The following NELL1 variants were observed in gnomAD, a reference collection of about 807,000 sequenced individuals.
NELL1 encodes protein kinase C-binding protein NELL1.
NELL1 carries 76 observed loss-of-function variants against 107.4 expected under a neutral mutation model. The ratio of observed to expected loss-of-function variants is 0.71; its 90% CI spans 0.59 to 0.86. The LOEUF (loss-of-function observed/expected upper bound fraction) is 0.86. NELL1 is among the 40% of genes least tolerant of loss of function. The probability of loss-of-function intolerance (pLI) is 0.00; values close to 1 mark genes in which losing one functional copy is unlikely to be tolerated. For missense variants in NELL1, 1,024 were observed against 1,005.5 expected (o/e 1.02, Z -0.25); for synonymous variants, 353 against 341.2 (o/e 1.03, Z -0.38).
chr11:20,959,964 A>G (rs1851256130), intron 11 of NELL1, among the ~76,000 whole-genome samples: 1 of 152,238 alleles, frequency 6.6e-6, no homozygotes, highest in African/African-American at 2.4e-5. Flanking sequence ...GGGAGTGATT[A>G]GCTCAAAATT....
At chr11:21,500,437 G>A (rs1855106825) in intron 15 of NELL1, among the ~76,000 whole-genome samples, 1 of 152,078 alleles carries the variant, frequency 6.6e-6, no homozygotes, top group South Asian at 2.1e-4. Context: ...CCTCCAGGTT[G>A]TTAGCTCTCC....
chr11:21,273,247 G>A (rs932552373), intron 14 of NELL1, among the ~76,000 whole-genome samples: 3 of 152,278 alleles, frequency 2.0e-5, no homozygotes, highest in East Asian at 1.9e-4. Flanking sequence ...TGCGAACTAC[G>A]TGATGAATGC....
At chr11:20,888,056 G>T (rs76759990) in intron 5 of NELL1, among the ~76,000 whole-genome samples, 5,175 of 151,900 alleles carry the variant, frequency 0.034, 306 homozygotes, top group African/African-American at 0.12. Context: ...TAATAAATAG[G>T]CCCAGAGATA....
At chr11:20,910,683 T>C (rs1415689328) in intron 5 of NELL1, among the ~76,000 whole-genome samples, 2 of 152,202 alleles carry the variant, frequency 1.3e-5, no homozygotes, top group Admixed American at 1.3e-4. Context: ...TGTGGGTGTT[T>C]ATTTGTTCAT....
chr11:21,202,239 G>C (rs949694171), intron 13 of NELL1, among the ~76,000 whole-genome samples: 1 of 152,164 alleles, frequency 6.6e-6, no homozygotes, highest in Non-Finnish European at 1.5e-5. Flanking sequence ...GAATTTGGCT[G>C]TGAATCCGTC....
intron 14 of NELL1, among the ~76,000 whole-genome samples, chr11:21,276,789 C>A (rs1402783301): frequency 2.6e-5 from 4 of 152,148 alleles, no homozygotes; most frequent in Non-Finnish European, 5.9e-5. Context: ...CAAAAACAAG[C>A]AATGGGGAAA....
At chr11:20,726,602 T>G (rs530656861) in intron 2 of NELL1, among the ~76,000 whole-genome samples, 1 of 152,344 alleles carries the variant, frequency 6.6e-6, no homozygotes, top group African/African-American at 2.4e-5. Context: ...TTTTCTTTTA[T>G]TTTTTAAATT....
At chr11:21,080,838 G>A (rs528843271) in intron 12 of NELL1, among the ~76,000 whole-genome samples, 1 of 151,462 alleles carries the variant, frequency 6.6e-6, no homozygotes, top group African/African-American at 2.4e-5. Flanking sequence ...TTACATCCTC[G>A]CCAACAAAGT....
At chr11:21,416,320 T>C (rs2133816435) in intron 15 of NELL1, among the ~76,000 whole-genome samples, 1 of 152,232 alleles carries the variant, frequency 6.6e-6, no homozygotes, top group South Asian at 2.1e-4. Flanking sequence ...TTTAATGCTG[T>C]AACCTTGGGT....
chr11:21,500,482 A>G (rs553070503), intron 15 of NELL1, among the ~76,000 whole-genome samples: 16 of 152,174 alleles, frequency 1.1e-4, no homozygotes, highest in Admixed American at 9.8e-4. Context: ...GAAACATCCA[A>G]TTTATTATTT....
Position 20,750,125 on chromosome 11 carries a change from C to G in NELL1, c.185-33555C>G, listed in dbSNP as rs149838253. ...GTATTGTCAGTCCCTTTGATTTTAG[C>G]CATTCAAACGTATATTTAGTATTAT... On this transcript the variant is annotated intron_variant, in intron 2 of 19. Coordinates refer to ENST00000357134, the MANE Select transcript of NELL1 (RefSeq NM_006157.5). 3.9e-3 allele frequency among the ~76,000 whole-genome samples: 595 copies of G among 152,218 alleles called. 1 individual carries two copies. The highest frequency in any genetic ancestry group is 0.014 in the African/African-American group (566 of 41,552).
At chr11:21,083,529 A>G (rs943710836) in intron 12 of NELL1, among the ~76,000 whole-genome samples, 16 of 152,186 alleles carry the variant, frequency 1.1e-4, no homozygotes, top group Admixed American at 6.5e-5. Flanking sequence ...ACAAATTGTG[A>G]TAGGATTCAA....
At chr11:20,977,264 ATTTT>A (rs558154042) in intron 12 of NELL1, among the ~76,000 whole-genome samples, 2 of 131,146 alleles carry the variant, frequency 1.5e-5, no homozygotes, top group African/African-American at 2.8e-5. Flanking sequence ...AATTAAATCT[ATTTT>A]TTTTTTTTTT....
At chr11:20,871,419 T>A (rs1344783536) in intron 4 of NELL1, among the ~76,000 whole-genome samples, 2 of 152,234 alleles carry the variant, frequency 1.3e-5, no homozygotes, top group African/African-American at 2.4e-5. Flanking sequence ...GACAGGGATA[T>A]AATATTATTT....
intron 12 of NELL1, among the ~76,000 whole-genome samples, chr11:21,086,120 G>T (rs1431917068): frequency 6.6e-6 from 1 of 152,156 alleles, no homozygotes; most frequent in African/African-American, 2.4e-5. Context: ...CGTATGACAG[G>T]TACCTTGCCC....
chr11:20,768,261 CAGTAAGCTG>C (rs775956320), intron 2 of NELL1, among the ~76,000 whole-genome samples: 58 of 152,234 alleles, frequency 3.8e-4, no homozygotes, highest in Non-Finnish European at 6.2e-4. Flanking sequence ...TGTATAGGTC[CAGTAAGCTG>C]AGAGTTGAAT....
chr11:21,136,439 T>C (rs1248409678), intron 13 of NELL1, among the ~76,000 whole-genome samples: 3 of 152,242 alleles, frequency 2.0e-5, no homozygotes, highest in Non-Finnish European at 2.9e-5. Flanking sequence ...ATAGTCACTA[T>C]TGGTGACATC....
intron 13 of NELL1, among the ~76,000 whole-genome samples, chr11:21,191,889 AAAT>A (rs1159447540): frequency 6.6e-6 from 1 of 151,952 alleles, no homozygotes; most frequent in Admixed American, 6.6e-5. Context: ...AGCATTATTC[AAAT>A]ATAACTTCTT....
rs148507802 is a variant in NELL1 at position 21,386,750 on chromosome 11, C to T, written c.1645+15802C>T. Among the ~76,000 whole-genome samples, 3 of 152,026 alleles carry T rather than the reference C, an allele frequency of 2.0e-5. No individual in the cohort carries two copies. The East Asian group carries it at 5.9e-4, about 30-fold the overall frequency. The stretch of plus-strand genomic sequence containing the variant: ...GAAATACTGCATTCACTTGTATGTT[C>T]TCCATAAATTCTATGCCTTCGCCTT... On this transcript the variant is annotated intron_variant, in intron 15 of 19. Transcript: ENST00000357134.
Sources: gnomAD v4.1 joint callset for allele counts (sites outside exome capture counted in the v4.1 genomes callset) on GRCh38, gnomAD v4.1.1 for gene constraint, MANE v1.5 for transcripts, NCBI Gene and HGNC (gene_info 2026-07-23, HGNC 2026-07-21) for gene names.